SV2C: variants seen among roughly 807,000 people sequenced by gnomAD.
The protein encoded by SV2C is solute carrier family 22 member B3.
SV2C carries 49 observed loss-of-function variants against 79.7 expected under a neutral mutation model. The observed-to-expected ratio is 0.61, with a 90% CI of 0.49 to 0.78. The LOEUF is 0.78. Ranked by LOEUF, SV2C falls within the 30% of genes least tolerant of loss-of-function variation. The probability of loss-of-function intolerance (pLI) is 0.00; values close to 1 mark genes in which losing one functional copy is unlikely to be tolerated. For synonymous variants in SV2C, 334 were observed against 333.2 expected (o/e 1.00, Z -0.03); for missense variants, 833 against 912.9 (o/e 0.91, Z 1.13).
chr5:75,971,809 G>T, the SV2C span, among the ~76,000 whole-genome samples: 2 of 152,056 alleles, frequency 1.3e-5, no homozygotes, highest in African/African-American at 4.8e-5. Flanking sequence ...TTTCTTCACA[G>T]AATTGGAAAA....
intron 6 of SV2C, among the ~76,000 whole-genome samples, chr5:76,290,318 G>C (rs1747515665): frequency 6.6e-6 from 1 of 152,144 alleles, no homozygotes; most frequent in African/African-American, 2.4e-5. Flanking sequence ...CTAGGTACCT[G>C]TACTCTGCCA....
intron 4 of SV2C, among the ~76,000 whole-genome samples, chr5:76,284,024 T>A (rs1160328674): frequency 6.6e-6 from 1 of 152,212 alleles, no homozygotes; most frequent in Non-Finnish European, 1.5e-5. Context: ...TACCAAGCAT[T>A]GCTATAAATT....
At chr5:75,979,093 T>C in the SV2C span, among the ~76,000 whole-genome samples, 1 of 152,076 alleles carries the variant, frequency 6.6e-6, no homozygotes, top group Non-Finnish European at 1.5e-5. Flanking sequence ...GCAATCCTAG[T>C]TTCTGACAAA....
the SV2C span, among the ~76,000 whole-genome samples, chr5:76,026,790 T>C: frequency 1.3e-5 from 2 of 152,090 alleles, no homozygotes; most frequent in Non-Finnish European, 1.5e-5. Context: ...GACCTGGAGA[T>C]TGTTCACAGA....
chr5:75,860,864 G>T, the SV2C span, among the ~76,000 whole-genome samples: 4 of 152,292 alleles, frequency 2.6e-5, no homozygotes, highest in East Asian at 7.7e-4. Context: ...AAATGGTGCT[G>T]GGATAGCTGG....
intron 1 of SV2C, among the ~76,000 whole-genome samples, chr5:76,121,850 A>G (rs202066247): frequency 0.27 from 41,361 of 150,824 alleles, 6,526 homozygotes; most frequent in East Asian, 0.5. Flanking sequence ...TTGGCGATGC[A>G]GGCTCTTTTT....
chr5:76,337,928 C>T (rs1310179403), downstream of SV2C, among the ~76,000 whole-genome samples: 10 of 152,238 alleles, frequency 6.6e-5, no homozygotes, highest in East Asian at 1.9e-3. Context: ...TCTCTGTGAG[C>T]CTGTCCCCAG....
chr5:76,116,366 G>A (rs1056648767), intron 1 of SV2C, among the ~76,000 whole-genome samples: 17 of 152,186 alleles, frequency 1.1e-4, no homozygotes, highest in Admixed American at 7.9e-4. Context: ...TCCCAGAAGA[G>A]TTCCTGCCAC....
chr5:76,080,542 A>G (rs923037963), upstream of SV2C, among the ~76,000 whole-genome samples: 1 of 152,210 alleles, frequency 6.6e-6, no homozygotes, highest in African/African-American at 2.4e-5. Flanking sequence ...ATTGTGTACT[A>G]GGCACTGTGC....
the SV2C span, among the ~76,000 whole-genome samples, chr5:75,968,800 A>T: frequency 6.6e-6 from 1 of 152,248 alleles, no homozygotes; most frequent in Non-Finnish European, 1.5e-5. Context: ...GTAGGCCAAC[A>T]TTCAGATTCA....
chr5:76,118,135 A>G (rs572911421), intron 1 of SV2C, among the ~76,000 whole-genome samples: 3 of 152,320 alleles, frequency 2.0e-5, no homozygotes, highest in African/African-American at 7.2e-5. Flanking sequence ...CTAAGATGTG[A>G]GCAGAGCTGC....
intron 4 of SV2C, among the ~76,000 whole-genome samples, chr5:76,254,061 G>C (rs1439766884): frequency 6.6e-6 from 1 of 151,880 alleles, no homozygotes; most frequent in East Asian, 1.9e-4. Context: ...CAGGAGCATT[G>C]CTTGAGGCCA....
the SV2C span, among the ~76,000 whole-genome samples, chr5:75,933,087 C>G: frequency 2.6e-5 from 4 of 152,126 alleles, no homozygotes; most frequent in Non-Finnish European, 4.4e-5. Context: ...GATGTTTCCT[C>G]TCTATGGGAG....
At chr5:75,891,895 A>G in the SV2C span, among the ~76,000 whole-genome samples, 1 of 152,030 alleles carries the variant, frequency 6.6e-6, no homozygotes, top group Non-Finnish European at 1.5e-5. Context: ...GCAGAGATCT[A>G]TCGGATGCTA....
At chr5:75,894,308 TAA>T in the SV2C span, among the ~76,000 whole-genome samples, 2 of 152,004 alleles carry the variant, frequency 1.3e-5, no homozygotes, top group African/African-American at 4.8e-5. Context: ...GTAAATTAAT[TAA>T]AAGTTTGCAG....
At chr5:75,950,854 T>G in the SV2C span, among the ~76,000 whole-genome samples, 1 of 152,020 alleles carries the variant, frequency 6.6e-6, no homozygotes, top group Non-Finnish European at 1.5e-5. Context: ...ATTTCTTCCA[T>G]AGTGTCTACC....
the SV2C span, among the ~76,000 whole-genome samples, chr5:75,902,046 G>A: frequency 5.3e-5 from 8 of 152,308 alleles, no homozygotes; most frequent in Non-Finnish European, 1.0e-4. Context: ...CTTCCTGAGT[G>A]AGGCAATGCC....
chr5:75,910,751 G>A, the SV2C span: 2 of 1,371,018 alleles, frequency 1.5e-6, no homozygotes, highest in Admixed American at 1.7e-5. Context: ...AAAACTACTA[G>A]AGGAGCTGCC....
chr5:76,242,221 G>T, intron 4 of SV2C: 1 of 978,544 alleles, frequency 1.0e-6, no homozygotes, highest in Non-Finnish European at 1.6e-6. Context: ...ACAACCTCGC[G>T]GATCTTCTCT....
Sources: gnomAD v4.1 joint callset for allele counts (sites outside exome capture counted in the v4.1 genomes callset) on GRCh38, gnomAD v4.1.1 for gene constraint, MANE v1.5 for transcripts, NCBI Gene and HGNC (gene_info 2026-07-23, HGNC 2026-07-21) for gene names.